The following SLC25A20 variants were observed in gnomAD, a reference collection of about 807,000 sequenced individuals.
The protein encoded by SLC25A20 is mitochondrial carnitine/acylcarnitine carrier protein.
In SLC25A20, 29 loss-of-function variants were observed where a neutral mutation model predicts 39.7. The ratio of observed to expected loss-of-function variants is 0.73; its 90% CI spans 0.54 to 1.00. The LOEUF is 1.00. Ranked by LOEUF, SLC25A20 falls within the 50% of genes least tolerant of loss-of-function variation. SLC25A20 has a pLI of 0.00. For missense variants in SLC25A20, 333 were observed against 379.9 expected, an observed-to-expected ratio of 0.88 and a Z score of 1.03; for synonymous variants, 103 against 142.2, an observed-to-expected ratio of 0.72 and a Z score of 1.96.
chr3:48,889,681 T>TA, intron 2 of SLC25A20, among the ~76,000 whole-genome samples: 1 of 152,244 alleles, frequency 6.6e-6, no homozygotes, highest in African/African-American at 2.4e-5. Flanking sequence ...AAGGATTACC[T>TA]AGGTGCCGAG....
intron 4 of SLC25A20, among the ~76,000 whole-genome samples, chr3:48,866,994 C>G (rs1178893351): frequency 6.6e-6 from 1 of 151,874 alleles, no homozygotes; most frequent in Admixed American, 6.6e-5. Flanking sequence ...GGGGTTTCAT[C>G]ATTTTGGCCA....
intron 4 of SLC25A20, among the ~76,000 whole-genome samples, chr3:48,866,670 G>A (rs2083671740): frequency 6.9e-5 from 1 of 14,516 alleles, no homozygotes; most frequent in Admixed American, 8.2e-4. Context: ...CTGGACAGAA[G>A]TTTTTTTGAG....
At position 48,857,566 on chromosome 3, in the gene SLC25A20, A is replaced by T. The variant is rs773824732; in HGVS notation, c.*144T>A. The T allele has an allele frequency of 4.1e-6, 3 of 725,554 alleles. No individual in the cohort carries two copies. The highest frequency in any genetic ancestry group is 7.5e-6 in the Non-Finnish European group (3 of 400,856). The allele number at this position is 725,554 out of a possible 1,614,324, so 44.9% of individuals were successfully genotyped here. On this transcript the variant is annotated 3_prime_UTR_variant, in exon 9 of 9. Coordinates refer to ENST00000319017, the MANE Select transcript of SLC25A20 (RefSeq NM_000387.6). The stretch of plus-strand genomic sequence containing the variant: ...CACGGTGCAGGATGTCATTAAGGCA[A>T]CAGTCTCACCAAGTCCATGCACAGG...
intron 5 of SLC25A20, 132 bp downstream of exon 5, chr3:48,862,410 A>AC (rs1559664067): frequency 1.2e-5 from 9 of 739,832 alleles, no homozygotes; most frequent in Non-Finnish European, 2.3e-5. Context: ...GGAGATGCTT[A>AC]CTGCCAGTAT....
chr3:48,857,841 T>G (rs894516351), intron 8 of SLC25A20, 69 bp from the exon 9 acceptor site: 1 of 1,456,756 alleles, frequency 6.9e-7, no homozygotes, highest in Middle Eastern at 1.7e-4. Flanking sequence ...CAAAGCACTA[T>G]GCTTTGCTGG....
chr3:48,895,824 TAG>T (rs1197632146), intron 1 of SLC25A20: 4 of 456,004 alleles, frequency 8.8e-6, no homozygotes, highest in South Asian at 1.5e-5. Flanking sequence ...CCCTAGTTAG[TAG>T]AGAGAGAGAA....
At chr3:48,898,392 G>T (rs1382362732) in intron 1 of SLC25A20, among the ~76,000 whole-genome samples, 30 of 152,222 alleles carry the variant, frequency 2.0e-4, no homozygotes, top group Admixed American at 2.0e-3. Flanking sequence ...ATGGAGAGAC[G>T]TTTATTCCTT....
chr3:48,893,026 T>C (rs927430861), intron 1 of SLC25A20, among the ~76,000 whole-genome samples: 3 of 151,880 alleles, frequency 2.0e-5, no homozygotes, highest in African/African-American at 7.3e-5. Context: ...TCTTTATATA[T>C]ATATACTTTT....
At chr3:48,867,520 C>T (rs528375066) in intron 4 of SLC25A20, among the ~76,000 whole-genome samples, 3 of 147,802 alleles carry the variant, frequency 2.0e-5, no homozygotes, top group Non-Finnish European at 4.5e-5. Context: ...CTCCCAAAGT[C>T]CTGGGATTAC....
intron 2 of SLC25A20, among the ~76,000 whole-genome samples, chr3:48,889,235 G>A (rs1053557707): frequency 4.0e-5 from 6 of 151,226 alleles, no homozygotes; most frequent in Non-Finnish European, 8.8e-5. Context: ...CCAGGCTGGA[G>A]TGCAATTAGC....
At chr3:48,862,723 G>A (rs1017263443) in intron 4 of SLC25A20, 64 bp from the exon 5 acceptor site, 1 of 1,074,988 alleles carries the variant, frequency 9.3e-7, no homozygotes, top group Non-Finnish European at 1.5e-6. Flanking sequence ...CAGGTTACAG[G>A]AGACTACAAA....
chr3:48,889,402 T>TA (rs1559671606), intron 2 of SLC25A20, among the ~76,000 whole-genome samples: 1 of 151,004 alleles, frequency 6.6e-6, no homozygotes, highest in African/African-American at 2.4e-5. Context: ...AATATATATA[T>TA]ATAATAATAA....
chr3:48,889,031 G>A (rs1465695110), intron 2 of SLC25A20, among the ~76,000 whole-genome samples: 1 of 151,702 alleles, frequency 6.6e-6, no homozygotes, highest in Non-Finnish European at 1.5e-5. Context: ...AAGAGATTGC[G>A]GTGAGCCAAG....
At chr3:48,858,760 A>G in intron 7 of SLC25A20, 129 bp from the exon 8 acceptor site, 1 of 1,136,786 alleles carries the variant, frequency 8.8e-7, no homozygotes, top group Non-Finnish European at 1.3e-6. Context: ...CATAGACAAC[A>G]GTTCACCTTG....
chr3:48,890,939 C>A (rs1182608741), intron 2 of SLC25A20, among the ~76,000 whole-genome samples: 2 of 152,224 alleles, frequency 1.3e-5, no homozygotes, highest in Non-Finnish European at 2.9e-5. Context: ...CAGGCGTGAG[C>A]CAGCGCGCCC....
intron 4 of SLC25A20, among the ~76,000 whole-genome samples, chr3:48,877,408 C>T (rs571150086): frequency 6.8e-6 from 1 of 148,016 alleles, no homozygotes; most frequent in Admixed American, 6.8e-5. Flanking sequence ...GCAACAAGAG[C>T]GAAATTCTAT....
At chr3:48,871,497 G>C (rs1016106800) in intron 4 of SLC25A20, among the ~76,000 whole-genome samples, 1 of 152,170 alleles carries the variant, frequency 6.6e-6, no homozygotes, top group African/African-American at 2.4e-5. Context: ...GCTGGGCGCA[G>C]TGACTCACGC....
rs1244245866 is a variant in SLC25A20 at position 48,884,100 on chromosome 3, T to C, written c.223A>G (p.Met75Val). 6.2e-7 allele frequency: 1 copy of C among 1,613,534 alleles called. No individual in the cohort carries two copies. Among genetic ancestry groups the C allele is most frequent in the Admixed American group, 1.7e-5 (1 of 59,986 alleles). The change falls in exon 3 of 9, where the codon ATG (methionine) becomes GTG (valine). Residue 75 changes from methionine to valine, a missense_variant. Met to Val is a conservative substitution (Grantham distance 21, BLOSUM62 1). Transcript: ENST00000319017. The part of the protein sequence containing the change: ...REGITGLYRG[M>V]AAPIIGVTPM... The stretch of plus-strand genomic sequence containing the variant: ...GTGACCCCGATGATAGGGGCAGCCA[T>C]TCCCCGATATAGCCCCGTGATGCCC...
chr3:48,889,648 C>T (rs2083858827), intron 2 of SLC25A20, among the ~76,000 whole-genome samples: 1 of 151,976 alleles, frequency 6.6e-6, no homozygotes, highest in Non-Finnish European at 1.5e-5. Flanking sequence ...ATGGTGCAGT[C>T]TCAGCTCACT....
Sources: gnomAD v4.1 joint callset for allele counts (sites outside exome capture counted in the v4.1 genomes callset) on GRCh38, gnomAD v4.1.1 for gene constraint, MANE v1.5 for transcripts, NCBI Gene and HGNC (gene_info 2026-07-23, HGNC 2026-07-21) for gene names.